Variants in MGA observed in about 807,000 individuals in gnomAD.
The protein encoded by MGA is MAX gene-associated protein.
MGA carries 40 observed loss-of-function variants against 261.1 expected under a neutral mutation model. The observed-to-expected ratio is 0.15, with a 90% CI of 0.12 to 0.20. The LOEUF (loss-of-function observed/expected upper bound fraction) is 0.20. Among genes scored for constraint, MGA ranks in the 10% least tolerant of loss-of-function variants. The probability of loss-of-function intolerance (pLI) is 1.00; values close to 1 mark genes in which losing one functional copy is unlikely to be tolerated. For missense variants in MGA, 3,397 were observed against 3,630.5 expected (o/e 0.94, Z 1.65); for synonymous variants, 1,302 against 1,290.6 (o/e 1.01, Z -0.19).
chr15:41,652,441 C>T (rs2057087245), intron 1 of MGA, among the ~76,000 whole-genome samples: 1 of 151,536 alleles, frequency 6.6e-6, no homozygotes, highest in Non-Finnish European at 1.5e-5. Flanking sequence ...TCATAGTTCA[C>T]TGAAGCGTCA....
At chr15:41,656,349 T>TTC (rs1566936500), upstream of MGA, among the ~76,000 whole-genome samples, 2 of 89,378 alleles carry the variant, frequency 2.2e-5, no homozygotes, top group South Asian at 5.5e-4. Context: ...CTCTCTTCTC[T>TTC]CTCTCTCTCT....
chr15:41,766,009 G>A lies in MGA; in HGVS notation c.7927G>A (p.Asp2643Asn). Reference sequence around the variant, plus strand: ...TTTTAATTTTTGTTTTTCAGAAAATGACGACTTATTTATGATGCCACGAAT... The same window carrying A: ...TTTTAATTTTTGTTTTTCAGAAAATAACGACTTATTTATGATGCCACGAAT... Residue 2643 changes from aspartate to asparagine, a missense_variant, in exon 24 of 24, where the codon GAC becomes AAC. Around this residue, in one of 9 missense-constraint regions of MGA, gnomAD observed 647 missense variants for 642.4 expected, o/e 1.01. Transcript: ENST00000219905. The A allele has an allele frequency of 6.3e-7, 1 of 1,595,272 alleles. No homozygotes were observed. The highest frequency in any genetic ancestry group is 8.5e-7 in the Non-Finnish European group (1 of 1,171,754).
intron 11 of MGA, among the ~76,000 whole-genome samples, chr15:41,733,775 G>A (rs907770352): frequency 2.0e-5 from 3 of 152,110 alleles, no homozygotes; most frequent in African/African-American, 7.2e-5. Flanking sequence ...AGAAATTGGA[G>A]GCAGAATGCC....
chr15:41,762,974 G>A (rs1322930788), intron 22 of MGA, among the ~76,000 whole-genome samples: 4 of 151,748 alleles, frequency 2.6e-5, no homozygotes, highest in East Asian at 1.9e-4. Context: ...ACTTGACTTC[G>A]TGATTTCCCT....
intron 2 of MGA, among the ~76,000 whole-genome samples, chr15:41,691,370 G>C (rs2059276490): frequency 1.3e-5 from 2 of 152,142 alleles, no homozygotes; most frequent in Admixed American, 6.6e-5. Context: ...CAATTTGTGT[G>C]TGTGTGTGTC....
At chr15:41,755,358 C>T (rs1292565485) in intron 18 of MGA, among the ~76,000 whole-genome samples, 18 of 152,096 alleles carry the variant, frequency 1.2e-4, no homozygotes, top group African/African-American at 2.4e-4. Flanking sequence ...TTCTTCAGTC[C>T]GGAGCTGTTT....
chr15:41,729,951 G>A lies in MGA; in HGVS notation c.3843+602G>A, dbSNP rs571794537. Among the ~76,000 whole-genome samples the A allele has an allele frequency of 7.9e-5, 12 of 152,074 alleles. No homozygotes were observed. In the East Asian group the frequency reaches 1.7e-3, roughly 22 times the overall value. On this transcript the variant is annotated intron_variant, in intron 11 of 23. Transcript: ENST00000219905. ...CTTGTTGCCCAGGCTGGAGTGCAAT[G>A]GTGTGGTCTCGGCTCAGTGCAACCT...
chr15:41,766,877 C>T lies in MGA; in HGVS notation c.8795C>T (p.Ser2932Phe). ...GATGTCCTTAAGATTGTTATTGACT[C>T]TGAAATAAAGGATTCCCTCCTTTCC... Residue 2932 changes from serine to phenylalanine, a missense_variant, in exon 24 of 24, where the codon TCT (serine) becomes TTT (phenylalanine). Ser to Phe is a radical substitution (Grantham distance 155, BLOSUM62 -2). Coordinates refer to ENST00000219905, the MANE Select transcript of MGA (RefSeq NM_001164273.2). 6.2e-7 allele frequency: 1 copy of T among 1,614,002 alleles called. No individual in the cohort carries two copies. Among genetic ancestry groups the T allele is most frequent in the Non-Finnish European group, 8.5e-7 (1 of 1,179,884 alleles).
intron 1 of MGA, among the ~76,000 whole-genome samples, chr15:41,660,956 A>G (rs1292211628): frequency 6.6e-6 from 1 of 152,186 alleles, no homozygotes; most frequent in Non-Finnish European, 1.5e-5. Flanking sequence ...TTTAGAGCCT[A>G]GGTCTCGTGG....
At chr15:41,686,004 C>CAAAAAA (rs34711774) in intron 2 of MGA, among the ~76,000 whole-genome samples, 1 of 129,088 alleles carries the variant, frequency 7.7e-6, no homozygotes, top group Non-Finnish European at 1.6e-5. Flanking sequence ...GACTCTGTCT[C>CAAAAAA]AAAAAAAAAA....
chr15:41,761,675 G>A (rs986388819), intron 20 of MGA, 64 bp from the exon 21 acceptor site: 1 of 965,874 alleles, frequency 1.0e-6, no homozygotes, highest in Non-Finnish European at 1.5e-6. Flanking sequence ...AAATTGTATA[G>A]GCCTTAGCTG....
At chr15:41,685,949 G>C (rs773275254) in intron 2 of MGA, among the ~76,000 whole-genome samples, 3 of 151,404 alleles carry the variant, frequency 2.0e-5, no homozygotes, top group Non-Finnish European at 4.4e-5. Flanking sequence ...AGCTTGCAGG[G>C]AGCCGAGATC....
At chr15:41,622,132 C>G (rs1055319847) in intron 1 of MGA, among the ~76,000 whole-genome samples, 1 of 152,086 alleles carries the variant, frequency 6.6e-6, no homozygotes, top group Admixed American at 6.6e-5. Flanking sequence ...CCTGTTTTTA[C>G]TCCTCCCACA....
At chr15:41,680,739 T>A (rs1453971057) in intron 2 of MGA, among the ~76,000 whole-genome samples, 1 of 152,148 alleles carries the variant, frequency 6.6e-6, no homozygotes, top group African/African-American at 2.4e-5. Context: ...ACATATAGGG[T>A]ACATCACCCT....
intron 5 of MGA, among the ~76,000 whole-genome samples, chr15:41,704,233 T>C (rs1273538913): frequency 6.6e-6 from 1 of 152,106 alleles, no homozygotes; most frequent in Non-Finnish European, 1.5e-5. Context: ...TTTTTAGAGA[T>C]GGGGTCTCCC....
intron 1 of MGA, among the ~76,000 whole-genome samples, chr15:41,652,370 C>G (rs906398344): frequency 3.4e-5 from 5 of 147,398 alleles, no homozygotes; most frequent in African/African-American, 1.3e-4. Flanking sequence ...CCCTTCTCCC[C>G]TCTCCCCTCT....
At chr15:41,665,563 T>TA (rs2057685295) in intron 1 of MGA, among the ~76,000 whole-genome samples, 1 of 152,270 alleles carries the variant, frequency 6.6e-6, no homozygotes, top group African/African-American at 2.4e-5. Context: ...AGATGGAGTC[T>TA]CACTGTGTTT....
chr15:41,697,075 T>C, intron 3 of MGA, 52 bp downstream of exon 3: 3 of 1,350,776 alleles, frequency 2.2e-6, no homozygotes, highest in Non-Finnish European at 3.0e-6. Context: ...ATACTTGAAT[T>C]GTATACTGGC....
chr15:41,717,889 G>A (rs1358555804), intron 9 of MGA, among the ~76,000 whole-genome samples: 2 of 151,890 alleles, frequency 1.3e-5, no homozygotes, highest in African/African-American at 4.8e-5. Flanking sequence ...ACTGCATCAT[G>A]ACTAAGTGGG....
Sources: allele counts gnomAD v4.1 joint callset (sites outside exome capture counted in the v4.1 genomes callset), GRCh38; gene constraint gnomAD v4.1.1; regional missense constraint gnomAD v4.1.1; transcripts MANE v1.5; gene names NCBI Gene and HGNC (gene_info 2026-07-23, HGNC 2026-07-21).